PIK3C2G: variants seen among roughly 807,000 people sequenced by gnomAD.
The protein encoded by PIK3C2G is phosphatidylinositol 3-kinase C2 domain-containing subunit gamma.
Under a neutral mutation model 181.1 loss-of-function variants are expected in PIK3C2G, and 168 were observed. That is an observed-to-expected ratio of 0.93 (90% CI 0.82 to 1.05). PIK3C2G has a LOEUF of 1.05. Ranked by LOEUF, PIK3C2G falls within the 50% of genes least tolerant of loss-of-function variation. PIK3C2G has a pLI of 0.00. For missense variants in PIK3C2G, 1,869 were observed against 1,732.8 expected (o/e 1.08, Z -1.40); for synonymous variants, 573 against 592.2 (o/e 0.97, Z 0.47).
intron 9 of PIK3C2G, 102 bp from the exon 10 acceptor site, chr12:18,343,225 C>T: frequency 1.5e-6 from 1 of 650,714 alleles, no homozygotes; most frequent in Non-Finnish European, 2.7e-6. Flanking sequence ...GTTGTTTTAC[C>T]ATGACAAAGA....
intron 6 of PIK3C2G, among the ~76,000 whole-genome samples, chr12:18,315,918 T>TGA (rs1465177762): frequency 6.6e-6 from 1 of 151,544 alleles, no homozygotes; most frequent in Non-Finnish European, 1.5e-5. Flanking sequence ...TGTGTGTGTG[T>TGA]GTGTAATTTT....
chr12:18,510,347 C>G (rs1412112255), intron 24 of PIK3C2G, among the ~76,000 whole-genome samples: 2 of 152,134 alleles, frequency 1.3e-5, no homozygotes, highest in African/African-American at 4.8e-5. Flanking sequence ...GCACTCAATT[C>G]CACTGTAACA....
At chr12:18,334,503 A>G (rs1009619348) in intron 8 of PIK3C2G, among the ~76,000 whole-genome samples, 3 of 152,108 alleles carry the variant, frequency 2.0e-5, no homozygotes, top group Non-Finnish European at 2.9e-5. Flanking sequence ...GTTGATGTCT[A>G]TTAAGCTGTA....
chr12:18,723,444 G>A, the PIK3C2G span: 3 of 1,612,868 alleles, frequency 1.9e-6, no homozygotes, highest in Non-Finnish European at 2.5e-6. Flanking sequence ...CAGAATATGT[G>A]TTGAAAATCT....
At chr12:18,311,729 G>T (rs1213707965) in intron 5 of PIK3C2G, among the ~76,000 whole-genome samples, 2 of 151,866 alleles carry the variant, frequency 1.3e-5, no homozygotes, top group Non-Finnish European at 2.9e-5. Flanking sequence ...ATTAGTCAGG[G>T]TTCTCTAGAG....
At chr12:18,716,326 A>G in the PIK3C2G span, among the ~76,000 whole-genome samples, 1 of 152,128 alleles carries the variant, frequency 6.6e-6, no homozygotes, top group Non-Finnish European at 1.5e-5. Flanking sequence ...ACTTCTCTAG[A>G]TAGTTTTAAT....
chr12:18,669,497 C>T, the PIK3C2G span, among the ~76,000 whole-genome samples: 34 of 152,224 alleles, frequency 2.2e-4, no homozygotes, highest in East Asian at 2.3e-3. Flanking sequence ...ACCATAGACT[C>T]GGTGGCTTAA....
chr12:18,593,821 TTAAAG>T (rs1249578193), intron 29 of PIK3C2G, among the ~76,000 whole-genome samples: 1 of 151,908 alleles, frequency 6.6e-6, no homozygotes, highest in East Asian at 2.0e-4. Flanking sequence ...GAAATTTTTA[TTAAAG>T]TAATATAATC....
At chr12:18,356,552 C>T (rs1940751641) in intron 11 of PIK3C2G, among the ~76,000 whole-genome samples, 1 of 152,104 alleles carries the variant, frequency 6.6e-6, no homozygotes, top group South Asian at 2.1e-4. Flanking sequence ...CTCAGTGTGA[C>T]AGCCCTCTGT....
the PIK3C2G span, among the ~76,000 whole-genome samples, chr12:18,702,552 A>G: frequency 3.3e-5 from 5 of 152,144 alleles, no homozygotes; most frequent in African/African-American, 1.2e-4. Flanking sequence ...TCAGGCATCC[A>G]TTCAAATTAT....
intron 28 of PIK3C2G, among the ~76,000 whole-genome samples, chr12:18,564,091 TTTG>T (rs1945490629): frequency 6.6e-6 from 1 of 151,988 alleles, no homozygotes; most frequent in African/African-American, 2.4e-5. Context: ...CTAAATTGAA[TTTG>T]TTATTTTGTT....
chr12:18,300,224 G>T (rs188406288), intron 5 of PIK3C2G, among the ~76,000 whole-genome samples: 34 of 151,822 alleles, frequency 2.2e-4, no homozygotes, highest in Admixed American at 6.6e-4. Flanking sequence ...CTCATTATTG[G>T]TCTGTTCAGG....
intron 32 of PIK3C2G, among the ~76,000 whole-genome samples, chr12:18,645,520 C>T (rs920821778): frequency 6.6e-6 from 1 of 152,116 alleles, no homozygotes; most frequent in Non-Finnish European, 1.5e-5. Flanking sequence ...TTTCTTGAAG[C>T]TTTCAGCTTG....
chr12:18,464,984 C>A (rs1053645929), intron 18 of PIK3C2G, among the ~76,000 whole-genome samples: 4 of 151,456 alleles, frequency 2.6e-5, no homozygotes, highest in African/African-American at 7.3e-5. Flanking sequence ...TTTTTTATTC[C>A]ATTTCCTCCT....
intron 13 of PIK3C2G, among the ~76,000 whole-genome samples, chr12:18,381,016 AT>A: frequency 6.6e-6 from 1 of 152,166 alleles, no homozygotes; most frequent in East Asian, 1.9e-4. Context: ...TCACTGGAAC[AT>A]TTTACTGATA....
chr12:18,299,273 C>T (rs1045352330), intron 5 of PIK3C2G, among the ~76,000 whole-genome samples: 5 of 151,838 alleles, frequency 3.3e-5, no homozygotes, highest in African/African-American at 1.2e-4. Flanking sequence ...GTTAAGTTTA[C>T]TCCTAGGGTT....
chr12:18,406,414 T>C (rs1325865627), intron 16 of PIK3C2G, among the ~76,000 whole-genome samples: 1 of 152,098 alleles, frequency 6.6e-6, no homozygotes, highest in African/African-American at 2.4e-5. Context: ...GATTACTGGG[T>C]CGTATTTTAA....
In PIK3C2G at chr12:18,529,082, G is replaced by C. The variant is rs149401211; in HGVS notation, c.3324-9074G>C. On this transcript the variant is annotated intron_variant, in intron 24 of 32. Transcript: ENST00000538779. ...AGATGCCATGATATTCCCATTTCTC[G>C]ATAATCCCAACACAGCCTACGCTTT... 9.0e-4 allele frequency among the ~76,000 whole-genome samples: 130 copies of C among 145,190 alleles called. 2 individuals carry two copies. In the East Asian group the frequency reaches 0.018, roughly 20 times the overall value.
chr12:18,684,000 G>A, the PIK3C2G span: 2 of 1,092,662 alleles, frequency 1.8e-6, no homozygotes, highest in Non-Finnish European at 2.6e-6. Flanking sequence ...GAAAAAATAT[G>A]TGTCAATACA....
Sources: allele counts gnomAD v4.1 joint callset (sites outside exome capture counted in the v4.1 genomes callset), GRCh38; gene constraint gnomAD v4.1.1; transcripts MANE v1.5; gene names NCBI Gene and HGNC (gene_info 2026-07-23, HGNC 2026-07-21).